Variants in SLC27A2 observed in about 807,000 individuals in gnomAD.
SLC27A2 encodes solute carrier family 27 member 2, also known as long-chain fatty acid transport protein 2.
In SLC27A2, 54 loss-of-function variants were observed where a neutral mutation model predicts 60.0. The observed-to-expected ratio is 0.90, with a 90% confidence interval of 0.72 to 1.13. The LOEUF (loss-of-function observed/expected upper bound fraction) is 1.13, where lower values mean the gene tolerates loss of function less well. SLC27A2 is among the 50% of genes most tolerant of loss of function. SLC27A2 has a pLI of 0.00. For missense variants in SLC27A2, 739 were observed against 777.6 expected, an observed-to-expected ratio of 0.95 and a Z score of 0.59; for synonymous variants, 297 against 297.6, an observed-to-expected ratio of 1.00 and a Z score of 0.02.
At chr15:50,225,410 C>T (rs2045271885) in intron 5 of SLC27A2, among the ~76,000 whole-genome samples, 2 of 151,844 alleles carry the variant, frequency 1.3e-5, no homozygotes, top group South Asian at 2.1e-4. Context: ...ATTATGGCTT[C>T]GATTCTAAAA....
At position 50,223,002 on chromosome 15, in the gene SLC27A2, T is replaced by C. The variant is rs776319371; in HGVS notation, c.1010T>C (p.Leu337Pro). 1 of 1,613,312 alleles carries C rather than the reference T, an allele frequency of 6.2e-7. No individual in the cohort carries two copies. Among genetic ancestry groups the C allele is most frequent in the Non-Finnish European group, 8.5e-7 (1 of 1,179,686 alleles). Residue 337 changes from leucine to proline, a missense_variant, in exon 5 of 10, where the codon CTG becomes CCG. Leu to Pro is a moderately conservative substitution (Grantham distance 98). Transcript: ENST00000267842. Reference protein sequence around the residue: ...NDRDHKVRLALGNGLRGDVWR... With the variant: ...NDRDHKVRLAPGNGLRGDVWR... The stretch of plus-strand genomic sequence containing the variant: ...CGTGATCATAAAGTGAGACTGGCAC[T>C]GGGAAATGGCTTACGAGGAGATGTG...
Position 50,182,225 on chromosome 15 carries a change from A to G in SLC27A2, c.-203A>G. 1.3e-6 allele frequency: 1 copy of G among 782,466 alleles called. No homozygotes were observed. Among genetic ancestry groups the G allele is most frequent in the Non-Finnish European group, 1.7e-6 (1 of 580,928 alleles). The allele number at this position is 782,466 out of a possible 1,614,324, so 48.5% of individuals were successfully genotyped here. On this transcript the variant is annotated 5_prime_UTR_variant, in exon 1 of 10. Transcript: ENST00000267842. ...CTGCCCGGAACCCCCGGCAACGCGC[A>G]TACGACTACACCTGCTCCGGAGCCC...
At chr15:50,234,736 G>A (rs779586851) in intron 9 of SLC27A2, among the ~76,000 whole-genome samples, 1 of 152,076 alleles carries the variant, frequency 6.6e-6, no homozygotes, top group Non-Finnish European at 1.5e-5. Flanking sequence ...TCCAGCCTGG[G>A]CATCAGAGCA....
chr15:50,227,934 T>C (rs1174431780), intron 7 of SLC27A2, among the ~76,000 whole-genome samples: 1 of 152,200 alleles, frequency 6.6e-6, no homozygotes, highest in Non-Finnish European at 1.5e-5. Context: ...TCAAGACAGA[T>C]AACCATTCTG....
At chr15:50,215,737 G>A (rs1303325462) in intron 4 of SLC27A2, among the ~76,000 whole-genome samples, 6 of 152,118 alleles carry the variant, frequency 3.9e-5, no homozygotes, top group Admixed American at 1.3e-4. Context: ...TTCAACAAAT[G>A]GTGCTCAGAT....
chr15:50,225,000 TAA>T (rs11285958), intron 5 of SLC27A2, among the ~76,000 whole-genome samples: 4 of 148,220 alleles, frequency 2.7e-5, no homozygotes, highest in African/African-American at 9.9e-5. Context: ...AGCAAAACAT[TAA>T]AAAAAAAAAC....
chr15:50,184,467 T>C (rs1379791698), intron 1 of SLC27A2, among the ~76,000 whole-genome samples: 1 of 152,116 alleles, frequency 6.6e-6, no homozygotes, highest in Non-Finnish European at 1.5e-5. Flanking sequence ...CCAGGAATCT[T>C]ACACACCTGC....
rs2045352593 is a variant in SLC27A2, at chr15:50,236,342, A to ATTTT, written c.*249_*252dup. Reference sequence around the variant, plus strand: ...CTGAGCTTGTTGGAGGGAAGGCATTATTTTTTAAAATACTTAGTAAATTAA... The same window carrying ATTTT: ...CTGAGCTTGTTGGAGGGAAGGCATTATTTTTTTTTTAAAATACTTAGTAAATTAA... On this transcript the variant is annotated 3_prime_UTR_variant, in exon 10 of 10. Coordinates refer to ENST00000267842, the MANE Select transcript of SLC27A2 (RefSeq NM_003645.4). The ATTTT allele has an allele frequency of 2.8e-6, 1 of 360,338 alleles. No individual in the cohort carries two copies. Among genetic ancestry groups the ATTTT allele is most frequent in the African/African-American group, 2.1e-5 (1 of 47,862 alleles). The allele number at this position is 360,338 out of a possible 1,614,324, so 22.3% of individuals were successfully genotyped here. A position where few individuals can be genotyped will look rare whatever the true frequency, so the allele number is the denominator to read the frequency against.
chr15:50,211,665 A>G (rs565537881), intron 4 of SLC27A2, among the ~76,000 whole-genome samples: 1 of 152,360 alleles, frequency 6.6e-6, no homozygotes, highest in South Asian at 2.1e-4. Context: ...TCAGGAGGTT[A>G]GTTATTAAGC....
rs752173268 is a variant in SLC27A2, at chr15:50,226,032, T to G, written c.1212T>G (p.Asp404Glu). Reference sequence around the variant, plus strand: ...TGATTAAATATGATGTGGAGAAAGATGAACCTGTCCGTGATGAAAATGGAT... The same window carrying G: ...TGATTAAATATGATGTGGAGAAAGAGGAACCTGTCCGTGATGAAAATGGAT... Reference protein sequence around the residue: ...YDLIKYDVEKDEPVRDENGYC... With the variant: ...YDLIKYDVEKEEPVRDENGYC... Residue 404 changes from aspartate (D) to glutamate (E), a missense_variant, in exon 6 of 10, where the codon GAT (aspartate) becomes GAG (glutamate). Coordinates refer to ENST00000267842, the MANE Select transcript of SLC27A2 (RefSeq NM_003645.4). 2.5e-6 allele frequency: 4 copies of G among 1,612,088 alleles called. No homozygotes were observed. Among genetic ancestry groups the G allele is most frequent in the Non-Finnish European group, 2.5e-6 (3 of 1,178,120 alleles).
chr15:50,218,555 G>A (rs1006725686), intron 4 of SLC27A2, among the ~76,000 whole-genome samples: 2 of 152,092 alleles, frequency 1.3e-5, no homozygotes, highest in African/African-American at 4.8e-5. Context: ...ACTGTCAGTA[G>A]CAACACTGCA....
At chr15:50,226,395 G>A (rs1567437403) in intron 6 of SLC27A2, among the ~76,000 whole-genome samples, 1 of 152,184 alleles carries the variant, frequency 6.6e-6, no homozygotes, top group Non-Finnish European at 1.5e-5. Flanking sequence ...CTGTGCGTTT[G>A]TGTAAGTGTG....
chr15:50,185,325 G>A (rs1464025835), intron 1 of SLC27A2, among the ~76,000 whole-genome samples: 9 of 152,080 alleles, frequency 5.9e-5, no homozygotes, highest in East Asian at 5.8e-4. Context: ...TCTCTGGACC[G>A]TCAACTGACC....
At chr15:50,213,306 C>T (rs2045171287) in intron 4 of SLC27A2, among the ~76,000 whole-genome samples, 1 of 152,116 alleles carries the variant, frequency 6.6e-6, no homozygotes, top group East Asian at 1.9e-4. Context: ...ATTTATAAAG[C>T]AATTGCTACT....
chr15:50,214,942 A>G (rs2045184134), intron 4 of SLC27A2, among the ~76,000 whole-genome samples: 2 of 152,194 alleles, frequency 1.3e-5, no homozygotes, highest in South Asian at 4.1e-4. Context: ...CCTCTTTAAC[A>G]TAGTACTGGA....
intron 1 of SLC27A2, among the ~76,000 whole-genome samples, chr15:50,190,091 A>G (rs2044961280): frequency 6.6e-6 from 1 of 152,226 alleles, no homozygotes; most frequent in South Asian, 2.1e-4. Context: ...GGAGGAGCAC[A>G]TGCATGTCTC....
chr15:50,213,144 G>C (rs1455499311), intron 4 of SLC27A2, among the ~76,000 whole-genome samples: 1 of 152,204 alleles, frequency 6.6e-6, no homozygotes, highest in Non-Finnish European at 1.5e-5. Context: ...AAAGTGAGCA[G>C]AGGTAGCTAT....
intron 1 of SLC27A2, among the ~76,000 whole-genome samples, chr15:50,197,146 C>A (rs1168171149): frequency 6.9e-6 from 1 of 144,034 alleles, no homozygotes; most frequent in Non-Finnish European, 1.5e-5. Context: ...CCCAACCTTC[C>A]CTCAAATATT....
At chr15:50,209,274 C>G (rs1480741165) in intron 4 of SLC27A2, among the ~76,000 whole-genome samples, 1 of 152,076 alleles carries the variant, frequency 6.6e-6, no homozygotes, top group Non-Finnish European at 1.5e-5. Flanking sequence ...CAGCTTCATT[C>G]TGTTCAAAAA....
Sources: gnomAD v4.1 joint callset for allele counts (sites outside exome capture counted in the v4.1 genomes callset) on GRCh38, gnomAD v4.1.1 for gene constraint, MANE v1.5 for transcripts, NCBI Gene and HGNC (gene_info 2026-07-23, HGNC 2026-07-21) for gene names.